Variants in IL1RAPL2 observed in about 807,000 individuals in gnomAD.
IL1RAPL2 encodes X-linked interleukin-1 receptor accessory protein-like 2.
In IL1RAPL2, 3 loss-of-function variants were observed where a neutral mutation model predicts 44.1. The observed-to-expected ratio is 0.07, with a 90% confidence interval of 0.03 to 0.18. The LOEUF (loss-of-function observed/expected upper bound fraction) is 0.18, where lower values mean the gene tolerates loss of function less well. Among genes scored for constraint, IL1RAPL2 ranks in the 10% least tolerant of loss-of-function variants. The pLI is 1.00. For missense variants in IL1RAPL2, 391 were observed against 496.4 expected (o/e 0.79, Z 2.02); for synonymous variants, 181 against 178.8 (o/e 1.01, Z -0.10).
chrX:105,115,050 G>A (rs2032839735), intron 2 of IL1RAPL2, among the ~76,000 whole-genome samples: 1 of 111,790 alleles, frequency 8.9e-6, no homozygotes. Flanking sequence ...TGGGTTCTTG[G>A]TCTCACTGAC....
chrX:104,633,211 A>G (rs1368208352), intron 1 of IL1RAPL2, among the ~76,000 whole-genome samples: 1 of 111,605 alleles, frequency 9.0e-6, no homozygotes, highest in Non-Finnish European at 1.9e-5. Flanking sequence ...ATGGTGGATA[A>G]GCTTTTTGAT....
intron 2 of IL1RAPL2, among the ~76,000 whole-genome samples, chrX:104,996,907 C>T (rs1264727804): frequency 2.7e-5 from 3 of 111,243 alleles, no homozygotes; most frequent in Non-Finnish European, 3.8e-5. Context: ...AGTGAGTATT[C>T]GGGAACCAAC....
At chrX:104,894,894 G>A (rs886778406) in intron 2 of IL1RAPL2, among the ~76,000 whole-genome samples, 10 of 111,951 alleles carry the variant, frequency 8.9e-5, no homozygotes, top group African/African-American at 1.3e-4. Context: ...TTTCTGCTCC[G>A]TTTTTTCCCC....
At chrX:105,662,380 A>T (rs986752931) in intron 6 of IL1RAPL2, among the ~76,000 whole-genome samples, 1 of 111,787 alleles carries the variant, frequency 8.9e-6, no homozygotes, top group Middle Eastern at 4.2e-3. Context: ...ACTGACCTTT[A>T]TGTTATATGG....
At chrX:105,198,461 C>T (rs782081227) in intron 3 of IL1RAPL2, among the ~76,000 whole-genome samples, 1 of 112,012 alleles carries the variant, frequency 8.9e-6, no homozygotes, top group African/African-American at 3.2e-5. Flanking sequence ...CTTCGATTTA[C>T]GTAGTTATTG....
intron 5 of IL1RAPL2, among the ~76,000 whole-genome samples, chrX:105,476,648 G>A (rs1192255144): frequency 8.9e-6 from 1 of 111,966 alleles, no homozygotes; most frequent in African/African-American, 3.3e-5. Context: ...TATAATTTTG[G>A]TAGAGAAAAT....
chrX:105,649,619 A>G (rs914935416), intron 6 of IL1RAPL2, among the ~76,000 whole-genome samples: 3 of 111,571 alleles, frequency 2.7e-5, no homozygotes, highest in African/African-American at 9.8e-5. Context: ...CAAATACTTG[A>G]GTTGAGTGCA....
At chrX:104,574,523 C>A (rs745330238) in intron 1 of IL1RAPL2, among the ~76,000 whole-genome samples, 5 of 111,693 alleles carry the variant, frequency 4.5e-5, no homozygotes, top group Non-Finnish European at 7.5e-5. Context: ...TGTAAAATAC[C>A]TTCTATGACT....
At chrX:104,702,446 C>T (rs1034485640) in intron 2 of IL1RAPL2, among the ~76,000 whole-genome samples, 1 of 111,624 alleles carries the variant, frequency 9.0e-6, no homozygotes, top group African/African-American at 3.3e-5. Flanking sequence ...GTTTTTACAA[C>T]AAAAAACATA....
intron 5 of IL1RAPL2, among the ~76,000 whole-genome samples, chrX:105,335,532 C>T (rs936483251): frequency 1.8e-5 from 2 of 111,015 alleles, no homozygotes; most frequent in Admixed American, 9.7e-5. Context: ...AGAAAAAAAG[C>T]TATGGTATTG....
intron 2 of IL1RAPL2, among the ~76,000 whole-genome samples, chrX:104,726,008 A>G (rs1015670732): frequency 9.0e-6 from 1 of 111,630 alleles, no homozygotes; most frequent in East Asian, 2.8e-4. Flanking sequence ...TAGGGTTTCT[A>G]TGGTTTTAGG....
At chrX:104,948,402 C>G (rs1346303092) in intron 2 of IL1RAPL2, among the ~76,000 whole-genome samples, 2 of 101,809 alleles carry the variant, frequency 2.0e-5, no homozygotes, top group Admixed American at 1.1e-4. Context: ...AATTGAATAC[C>G]CTTTATTTCC....
At chrX:105,394,318 G>C (rs917794618) in intron 5 of IL1RAPL2, among the ~76,000 whole-genome samples, 3 of 112,044 alleles carry the variant, frequency 2.7e-5, no homozygotes, top group Non-Finnish European at 5.6e-5. Flanking sequence ...GCCTCTAAAT[G>C]TCTTAATCTG....
intron 6 of IL1RAPL2, among the ~76,000 whole-genome samples, chrX:105,635,455 G>C (rs762918548): frequency 9.0e-6 from 1 of 111,341 alleles, no homozygotes; most frequent in East Asian, 2.8e-4. Context: ...GGAAGGTCAG[G>C]GTGCCAGAAG....
chrX:105,452,149 T>A (rs1438911305), intron 5 of IL1RAPL2, among the ~76,000 whole-genome samples: 2 of 111,331 alleles, frequency 1.8e-5, no homozygotes, highest in African/African-American at 6.5e-5. Flanking sequence ...TTGCATCATC[T>A]AGTGATGATC....
At chrX:105,406,598 C>A (rs2035646974) in intron 5 of IL1RAPL2, 2 of 1,181,485 alleles carry the variant, frequency 1.7e-6, no homozygotes, top group East Asian at 5.9e-5. Flanking sequence ...ACATTAACTT[C>A]AAAATGGCCA....
intron 2 of IL1RAPL2, among the ~76,000 whole-genome samples, chrX:104,780,709 A>G (rs1932766341): frequency 8.9e-6 from 1 of 112,174 alleles, no homozygotes; most frequent in Non-Finnish European, 1.9e-5. Flanking sequence ...TCCATCTGCC[A>G]TGAATTTTAT....
intron 5 of IL1RAPL2, among the ~76,000 whole-genome samples, chrX:105,395,508 G>A (rs2147732436): frequency 9.0e-6 from 1 of 110,850 alleles, no homozygotes; most frequent in African/African-American, 3.3e-5. Context: ...CATTCCAGAT[G>A]TATAGAGCCC....
chrX:105,271,466 T>C lies in IL1RAPL2; in HGVS notation c.697+3925T>C, dbSNP rs192322819. Among the ~76,000 whole-genome samples, 89 of 111,384 alleles carry C rather than the reference T, an allele frequency of 8.0e-4. No individual in the cohort carries two copies. In the Middle Eastern group the frequency reaches 0.019, roughly 23 times the overall value. On this transcript the variant is annotated intron_variant, in intron 5 of 10. Coordinates refer to ENST00000372582, the MANE Select transcript of IL1RAPL2 (RefSeq NM_017416.2). ...CTCATGTTGAATTTGTGCGGAGGGT[T>C]AATTGAAGTGAAAAAGTAAGACAGG...
Sources: gnomAD v4.1 joint callset for allele counts (sites outside exome capture counted in the v4.1 genomes callset) on GRCh38, gnomAD v4.1.1 for gene constraint, MANE v1.5 for transcripts, NCBI Gene and HGNC (gene_info 2026-07-23, HGNC 2026-07-21) for gene names.